The following GNAI1 variants were observed in gnomAD, a reference collection of about 807,000 sequenced individuals.
GNAI1 encodes the protein G protein subunit alpha i1, also known as guanine nucleotide-binding protein G(i) subunit alpha-1.
In GNAI1, 11 loss-of-function variants were observed where a neutral mutation model predicts 38.9. That is an observed-to-expected ratio of 0.28 (90% CI 0.18 to 0.47). The LOEUF is 0.47. Among genes scored for constraint, GNAI1 ranks in the 20% least tolerant of loss-of-function variants. GNAI1 has a pLI of 0.99. For missense variants in GNAI1, 317 were observed against 436.9 expected (o/e 0.73, Z 2.45); for synonymous variants, 166 against 145.1 (o/e 1.14, Z -1.04).
intron 1 of GNAI1, among the ~76,000 whole-genome samples, chr7:80,147,829 G>T (rs1022770436): frequency 4.6e-5 from 7 of 152,266 alleles, no homozygotes; most frequent in Admixed American, 1.3e-4. Context: ...TTTGCTGGTT[G>T]GGCTTAGTTG....
At chr7:80,176,962 T>A (rs2115585115) in intron 1 of GNAI1, among the ~76,000 whole-genome samples, 1 of 143,684 alleles carries the variant, frequency 7.0e-6, no homozygotes, top group Admixed American at 7.0e-5. Flanking sequence ...AAAAAAATTA[T>A]ACTAAGTCTG....
chr7:80,164,579 G>A (rs1237835808), intron 1 of GNAI1, among the ~76,000 whole-genome samples: 1 of 152,014 alleles, frequency 6.6e-6, no homozygotes, highest in Non-Finnish European at 1.5e-5. Context: ...AGCCAGGATG[G>A]TCTTGATCTC....
intron 1 of GNAI1, among the ~76,000 whole-genome samples, chr7:80,163,609 CATT>C (rs1787961122): frequency 6.6e-6 from 1 of 152,120 alleles, no homozygotes; most frequent in Admixed American, 6.5e-5. Flanking sequence ...AGTTTTAGCC[CATT>C]ATTGTTGAAT....
intron 4 of GNAI1, among the ~76,000 whole-genome samples, chr7:80,203,307 T>TA (rs1366537513): frequency 3.3e-5 from 5 of 151,990 alleles, no homozygotes; most frequent in Non-Finnish European, 7.4e-5. Flanking sequence ...AAATCTTCAG[T>TA]AAAAAAAGAA....
intron 1 of GNAI1, among the ~76,000 whole-genome samples, chr7:80,145,344 C>G (rs771184596): frequency 2.4e-4 from 37 of 152,080 alleles, no homozygotes; most frequent in Non-Finnish European, 5.1e-4. Context: ...CCATATCAAT[C>G]TATATATTTT....
chr7:80,223,247 T>C lies in GNAI1; in HGVS notation c.*5754T>C, dbSNP rs1295408353. 6.6e-6 allele frequency among the ~76,000 whole-genome samples: 1 copy of C among 152,242 alleles called. No homozygotes were observed. Among genetic ancestry groups the C allele is most frequent in the African/African-American group, 2.4e-5 (1 of 41,460 alleles). On this transcript the variant is annotated 3_prime_UTR_variant, in exon 8 of 8. Transcript: ENST00000649796. ...TGCAGTGTCTATGGAGGGATTCTTA[T>C]AATTAATTTTATTCCTGTGCAAACA...
At chr7:80,181,628 C>A (rs533320836) in intron 1 of GNAI1, among the ~76,000 whole-genome samples, 1 of 152,274 alleles carries the variant, frequency 6.6e-6, no homozygotes, top group East Asian at 1.9e-4. Flanking sequence ...GCACACAATT[C>A]TTTCTTTTGT....
chr7:80,211,239 C>T lies in GNAI1; in HGVS notation c.720+141C>T. 6.0e-6 allele frequency: 4 copies of T among 668,876 alleles called. No homozygotes were observed. The South Asian group carries it at 6.6e-5, about 11-fold the overall frequency. The allele number at this position is 668,876 out of a possible 1,614,324, so 41.4% of individuals were successfully genotyped here. On this transcript the variant is annotated intron_variant, in intron 6 of 7. Transcript: ENST00000649796. ...TTCTATTTGATAAAAGAGAGATATA[C>T]TAGAGAAGCACAGGTGGATCTTGAG...
At position 80,211,812 on chromosome 7, in the gene GNAI1, T is replaced by C. The variant is rs577054211; in HGVS notation, c.720+714T>C. Among the ~76,000 whole-genome samples, 5 of 152,308 alleles carry C rather than the reference T, an allele frequency of 3.3e-5. No individual in the cohort carries two copies. In the East Asian group the frequency reaches 9.7e-4, roughly 29 times the overall value. On this transcript the variant is annotated intron_variant, in intron 6 of 7. Coordinates refer to ENST00000649796, the MANE Select transcript of GNAI1 (RefSeq NM_002069.6). ...TTAATATGGGGGAAATGTTTTTAAA[T>C]AGAAATGTAAAACTTTGTCATTTTA...
chr7:80,189,085 A>T lies in GNAI1; in HGVS notation c.162-5A>T, dbSNP rs758057840. The T allele has an allele frequency of 1.2e-6, 2 of 1,606,312 alleles. No homozygotes were observed. Among genetic ancestry groups the T allele is most frequent in the Non-Finnish European group, 1.7e-6 (2 of 1,175,698 alleles). On this transcript the variant is annotated splice_polypyrimidine_tract_variant and splice_region_variant and intron_variant, in intron 2 of 7. Transcript: ENST00000649796. ...AATTCTTTTTTTTCCCTTTTGTCTC[A>T]TTAGAATTATCCATGAAGCTGGTTA...
At chr7:80,158,163 G>A (rs1254358888) in intron 1 of GNAI1, among the ~76,000 whole-genome samples, 1 of 152,190 alleles carries the variant, frequency 6.6e-6, no homozygotes, top group African/African-American at 2.4e-5. Context: ...AGCAGTGTCA[G>A]TACTCCAACT....
intron 1 of GNAI1, among the ~76,000 whole-genome samples, chr7:80,156,042 CAAAAAAAAA>C (rs1182960135): frequency 2.9e-5 from 2 of 68,534 alleles, no homozygotes; most frequent in African/African-American, 4.8e-5. Flanking sequence ...GACTCTGTCT[CAAAAAAAAA>C]AAAAAAAAAA....
In GNAI1 at chr7:80,189,215, G is replaced by T. The variant is rs1283536547; in HGVS notation, c.287G>T (p.Gly96Val). The T allele has an allele frequency of 2.5e-6, 4 of 1,610,184 alleles. No homozygotes were observed. Among genetic ancestry groups the T allele is most frequent in the African/African-American group, 1.3e-5 (1 of 74,574 alleles). Reference sequence around the variant, plus strand: ...ATGGGGAGGTTGAAGATAGACTTTGGTGACTCAGCCCGGGCGGTAAGTTAT... The same window carrying T: ...ATGGGGAGGTTGAAGATAGACTTTGTTGACTCAGCCCGGGCGGTAAGTTAT... ...RAMGRLKIDF[G>V]DSARADDARQ... Residue 96 changes from glycine to valine, a missense_variant, in exon 3 of 8, where the codon GGT (glycine) becomes GTT (valine). Gly to Val is a moderately radical substitution (Grantham distance 109). This residue lies in a region of GNAI1 where 67 missense variants were observed against 61.5 expected (regional missense o/e 1.09). Coordinates refer to ENST00000649796, the MANE Select transcript of GNAI1 (RefSeq NM_002069.6).
At chr7:80,161,743 G>T (rs1419505561) in intron 1 of GNAI1, among the ~76,000 whole-genome samples, 2 of 152,004 alleles carry the variant, frequency 1.3e-5, no homozygotes, top group Admixed American at 1.3e-4. Context: ...TAGACTAATA[G>T]GAAGTTGAGT....
intron 3 of GNAI1, among the ~76,000 whole-genome samples, chr7:80,192,714 G>T (rs999606476): frequency 6.6e-6 from 1 of 151,418 alleles, no homozygotes; most frequent in South Asian, 2.1e-4. Context: ...TGTTTTTTTT[G>T]AAATGGAGTT....
intron 5 of GNAI1, among the ~76,000 whole-genome samples, chr7:80,206,488 G>T (rs1238989830): frequency 6.6e-6 from 1 of 151,984 alleles, no homozygotes; most frequent in Non-Finnish European, 1.5e-5. Flanking sequence ...CAAGTAATCA[G>T]ATATGTCTGA....
chr7:80,135,536 C>T, intron 1 of GNAI1: 1 of 383,346 alleles, frequency 2.6e-6, no homozygotes, highest in Non-Finnish European at 4.6e-6. Context: ...TGCGACCCAG[C>T]AAAGAGCCCA....
chr7:80,198,416 T>C (rs1788620308), intron 3 of GNAI1, among the ~76,000 whole-genome samples: 1 of 152,176 alleles, frequency 6.6e-6, no homozygotes, highest in South Asian at 2.1e-4. Flanking sequence ...TTTCTCTTGG[T>C]CCACACACTG....
Position 80,222,533 on chromosome 7 carries a change from A to G in GNAI1, c.*5040A>G, listed in dbSNP as rs942586967. On this transcript the variant is annotated 3_prime_UTR_variant, in exon 8 of 8. Coordinates refer to ENST00000649796, the MANE Select transcript of GNAI1 (RefSeq NM_002069.6). ...TTCCCGAGTAGCTGGGATTACAGGC[A>G]TGCGACACTACACCCAACTAATCTT... 6.6e-6 allele frequency among the ~76,000 whole-genome samples: 1 copy of G among 151,776 alleles called. No individual in the cohort carries two copies. Among genetic ancestry groups the G allele is most frequent in the African/African-American group, 2.4e-5 (1 of 41,300 alleles).
Sources: allele counts gnomAD v4.1 joint callset (sites outside exome capture counted in the v4.1 genomes callset), GRCh38; gene constraint gnomAD v4.1.1; regional missense constraint gnomAD v4.1.1; transcripts MANE v1.5; gene names NCBI Gene and HGNC (gene_info 2026-07-23, HGNC 2026-07-21).